The following RRAS2 variants were observed in gnomAD, a reference collection of about 807,000 sequenced individuals.
RRAS2 encodes the protein RAS related 2.
A neutral mutation model predicts 27.6 loss-of-function variants in RRAS2; 7 were observed. The ratio of observed to expected loss-of-function variants is 0.25; its 90% CI spans 0.14 to 0.48. The LOEUF (loss-of-function observed/expected upper bound fraction) is 0.48, where lower values mean the gene tolerates loss of function less well. Among genes scored for constraint, RRAS2 ranks in the 20% least tolerant of loss-of-function variants. The pLI is 0.99. For synonymous variants in RRAS2, 86 were observed against 90.9 expected (o/e 0.95, Z 0.31); for missense variants, 178 against 256.2 (o/e 0.69, Z 2.08).
At chr11:14,352,756 TAG>T (rs370730897) in intron 1 of RRAS2, among the ~76,000 whole-genome samples, 52,656 of 128,076 alleles carry the variant, frequency 0.41, 9,803 homozygotes, top group East Asian at 0.46. Flanking sequence ...TATATATATA[TAG>T]AGAGAGAGAG....
At chr11:14,347,975 C>G (rs1045371202) in intron 1 of RRAS2, among the ~76,000 whole-genome samples, 8 of 152,048 alleles carry the variant, frequency 5.3e-5, no homozygotes, top group Non-Finnish European at 1.2e-4. Flanking sequence ...AGTTATTATG[C>G]TAAATAAAGA....
chr11:14,293,039 C>G (rs111408328), intron 4 of RRAS2, among the ~76,000 whole-genome samples: 5,307 of 149,206 alleles, frequency 0.036, 142 homozygotes, highest in Admixed American at 0.048. Flanking sequence ...ACCCGGGAGG[C>G]AGAGCTTGCA....
At chr11:14,343,899 G>A (rs1361623886) in intron 1 of RRAS2, among the ~76,000 whole-genome samples, 3 of 151,800 alleles carry the variant, frequency 2.0e-5, no homozygotes, top group Non-Finnish European at 2.9e-5. Context: ...CCAGCACTTC[G>A]GGAGGCCAAG....
At chr11:14,292,870 G>A (rs1278854025) in intron 4 of RRAS2, among the ~76,000 whole-genome samples, 1 of 151,854 alleles carries the variant, frequency 6.6e-6, no homozygotes. Context: ...CACTTTGGGA[G>A]GCCGAGGTGG....
chr11:14,300,994 C>T (rs1216421121), intron 1 of RRAS2, among the ~76,000 whole-genome samples: 1 of 152,130 alleles, frequency 6.6e-6, no homozygotes, highest in South Asian at 2.1e-4. Flanking sequence ...GTCTACCACC[C>T]TTGCATAGAA....
chr11:14,340,059 G>T (rs1211032213), intron 1 of RRAS2, among the ~76,000 whole-genome samples: 1 of 150,490 alleles, frequency 6.6e-6, no homozygotes, highest in Non-Finnish European at 1.5e-5. Flanking sequence ...TGGGGGTTGT[G>T]GGGGAGGTTG....
In RRAS2 at chr11:14,295,867, G is replaced by T; in HGVS notation, c.109-12C>A. 1.2e-6 allele frequency: 2 copies of T among 1,609,978 alleles called. No individual in the cohort carries two copies. The highest frequency in any genetic ancestry group is 1.1e-5 in the South Asian group (1 of 90,856). On this transcript the variant is annotated splice_polypyrimidine_tract_variant and intron_variant, in intron 1 of 5. Coordinates refer to ENST00000256196, the MANE Select transcript of RRAS2 (RefSeq NM_012250.6). Reference sequence around the variant, plus strand: ...GTTACAAAATAGGACTGCAAGAAAAGAAAAAACTTTATTTTAAAATTCATG... The same window carrying T: ...GTTACAAAATAGGACTGCAAGAAAATAAAAAACTTTATTTTAAAATTCATG...
intron 1 of RRAS2, among the ~76,000 whole-genome samples, chr11:14,351,788 G>A (rs377333278): frequency 7.3e-5 from 11 of 151,438 alleles, no homozygotes; most frequent in South Asian, 2.1e-4. Context: ...TCAGCTACTC[G>A]GGAGGCTGAG....
intron 1 of RRAS2, among the ~76,000 whole-genome samples, chr11:14,313,340 C>G (rs1171528586): frequency 2.0e-5 from 3 of 152,150 alleles, no homozygotes; most frequent in Non-Finnish European, 4.4e-5. Flanking sequence ...ACATGTAACT[C>G]TGAATCACAT....
chr11:14,287,871 CAAAAAAAAAAAAAA>C (rs34954723), intron 4 of RRAS2, among the ~76,000 whole-genome samples: 2 of 119,032 alleles, frequency 1.7e-5, no homozygotes, highest in Non-Finnish European at 3.5e-5. Flanking sequence ...GACTCTGTCT[CAAAAAAAAAAAAAA>C]AAAAAGAAGA....
At chr11:14,283,898 T>C (rs1159586623) in intron 4 of RRAS2, among the ~76,000 whole-genome samples, 1 of 152,128 alleles carries the variant, frequency 6.6e-6, no homozygotes, top group Admixed American at 6.6e-5. Context: ...CTCACTATGT[T>C]ACCCAGGATG....
In RRAS2 at chr11:14,358,425, A is replaced by C. The variant is rs1554955781; in HGVS notation, c.108+338T>G. 1 of 985,266 alleles carries C rather than the reference A, an allele frequency of 1.0e-6. No homozygotes were observed. Among genetic ancestry groups the C allele is most frequent in the African/African-American group, 1.7e-5 (1 of 57,192 alleles). The allele number at this position is 985,266 out of a possible 1,614,324, so 61.0% of individuals were successfully genotyped here. On this transcript the variant is annotated intron_variant, in intron 1 of 5. Coordinates refer to ENST00000256196, the MANE Select transcript of RRAS2 (RefSeq NM_012250.6). This position sits in a 1 kb window ranked among gnomAD's most constrained non-coding sequence, Gnocchi z 5.1. ...AGCCCCACGCCCGGACCCTCGGAGC[A>C]GTAAAGCCCGGCTCGGTGGCCCAGC...
At chr11:14,315,637 T>G (rs1488716854) in intron 1 of RRAS2, among the ~76,000 whole-genome samples, 1 of 152,236 alleles carries the variant, frequency 6.6e-6, no homozygotes, top group Non-Finnish European at 1.5e-5. Flanking sequence ...AAATGTACCA[T>G]ACGTGTTAAC....
At chr11:14,284,486 G>C (rs911146434) in intron 4 of RRAS2, among the ~76,000 whole-genome samples, 39 of 152,254 alleles carry the variant, frequency 2.6e-4, no homozygotes, top group African/African-American at 8.9e-4. Context: ...TGGGTAAAGG[G>C]TACACTTAAT....
chr11:14,349,988 G>C (rs1430695951), intron 1 of RRAS2, among the ~76,000 whole-genome samples: 1 of 152,078 alleles, frequency 6.6e-6, no homozygotes, highest in Non-Finnish European at 1.5e-5. Flanking sequence ...TCCTCAGAAG[G>C]GTCCCTGCCC....
intron 4 of RRAS2, among the ~76,000 whole-genome samples, chr11:14,282,030 C>G (rs1420853137): frequency 2.6e-5 from 4 of 152,056 alleles, no homozygotes; most frequent in African/African-American, 9.7e-5. Context: ...AGTATACAAC[C>G]CTGTCAGGGA....
At chr11:14,285,996 T>G (rs1849652711) in intron 4 of RRAS2, among the ~76,000 whole-genome samples, 1 of 152,254 alleles carries the variant, frequency 6.6e-6, no homozygotes, top group African/African-American at 2.4e-5. Flanking sequence ...GTGGAAATTT[T>G]CAGCAATGAC....
intron 1 of RRAS2, among the ~76,000 whole-genome samples, chr11:14,299,770 A>AT (rs1847648482): frequency 1.3e-5 from 2 of 152,204 alleles, no homozygotes; most frequent in Admixed American, 1.3e-4. Flanking sequence ...TAGTTGAGGT[A>AT]TTACTGGGGG....
chr11:14,305,401 G>A (rs1847808241), intron 1 of RRAS2, among the ~76,000 whole-genome samples: 1 of 152,202 alleles, frequency 6.6e-6, no homozygotes, highest in Non-Finnish European at 1.5e-5. Flanking sequence ...CCAAAGCACG[G>A]TAATTTTTCC....
Sources: gnomAD v4.1 joint callset for allele counts (sites outside exome capture counted in the v4.1 genomes callset) on GRCh38, gnomAD v4.1.1 for gene constraint, Gnocchi (gnomAD v3.1) non-coding constraint, MANE v1.5 for transcripts, NCBI Gene and HGNC (gene_info 2026-07-23, HGNC 2026-07-21) for gene names.